The following SSUH2 variants were observed in gnomAD, a reference collection of about 807,000 sequenced individuals.
SSUH2 encodes the protein protein SSUH2 homolog.
In SSUH2, 47 loss-of-function variants were observed where a neutral mutation model predicts 55.3. The observed-to-expected ratio is 0.85, with a 90% CI of 0.67 to 1.08. The LOEUF is 1.08. SSUH2 is among the 50% of genes least tolerant of loss of function. The pLI is 0.00. For synonymous variants in SSUH2, 212 were observed against 191.5 expected (o/e 1.11, Z -0.89); for missense variants, 535 against 490.7 (o/e 1.09, Z -0.85).
At chr3:8,662,553 T>C (rs993596614) in intron 6 of SSUH2, among the ~76,000 whole-genome samples, 1 of 152,158 alleles carries the variant, frequency 6.6e-6, no homozygotes, top group African/African-American at 2.4e-5. Context: ...GCGAGTGCTA[T>C]GTGTGTTAGC....
At chr3:8,679,288 GGGAGCCACCCCCCA>G (rs1559572250) in intron 2 of SSUH2, among the ~76,000 whole-genome samples, 2 of 107,734 alleles carry the variant, frequency 1.9e-5, no homozygotes, top group Non-Finnish European at 4.1e-5. Flanking sequence ...ATCGGAGGGG[GGGAGCCACCCCCCA>G]TGAGGCGGGG....
chr3:8,652,323 A>G (rs1189489337), intron 7 of SSUH2, among the ~76,000 whole-genome samples: 1 of 152,192 alleles, frequency 6.6e-6, no homozygotes, highest in Non-Finnish European at 1.5e-5. Context: ...GAGTAGCCTT[A>G]TAGACCAGTA....
rs1378850691 is a variant in SSUH2, at chr3:8,679,122, A to C, written c.-901+583T>G. On this transcript the variant is annotated intron_variant, in intron 2 of 18. Coordinates refer to the SSUH2 transcript ENST00000317371. ...TTTCCCCCCTGGCTCTTAGGACCCA[A>C]ATTGCGGGGGGGAGGCACCCCCGCG... 1.0e-4 allele frequency among the ~76,000 whole-genome samples: 9 copies of C among 88,450 alleles called. 1 individual carries two copies. Among genetic ancestry groups the C allele is most frequent in the East Asian group, 3.2e-4 (1 of 3,100 alleles). The allele number at this position is 88,450 out of a possible 152,430, so 58.0% of individuals were successfully genotyped here. A position where few individuals can be genotyped will look rare whatever the true frequency, so the allele number is the denominator to read the frequency against.
At chr3:8,677,693 A>G (rs1460694606) in intron 2 of SSUH2, among the ~76,000 whole-genome samples, 1 of 150,838 alleles carries the variant, frequency 6.6e-6, no homozygotes, top group Admixed American at 6.6e-5. Flanking sequence ...GGGTTTCTAA[A>G]GGATTGCCCC....
chr3:8,651,881 C>T (rs1011628895), intron 7 of SSUH2: 3 of 152,654 alleles, frequency 2.0e-5, no homozygotes, highest in African/African-American at 7.2e-5. Flanking sequence ...TACAGGAAAC[C>T]CCTAATTATC....
intron 1 of SSUH2, among the ~76,000 whole-genome samples, chr3:8,639,541 T>G (rs1037888318): frequency 6.6e-6 from 1 of 152,172 alleles, no homozygotes; most frequent in Admixed American, 6.5e-5. Context: ...TTGAGAAGAC[T>G]TTGCAAAGAG....
intron 5 of SSUH2, among the ~76,000 whole-genome samples, chr3:8,664,617 G>A (rs1703813525): frequency 6.6e-6 from 1 of 152,180 alleles, no homozygotes; most frequent in Admixed American, 6.5e-5. Flanking sequence ...AAGATCTTCA[G>A]AAGCTATGTA....
At chr3:8,633,156 T>C (rs1306485020) in intron 4 of SSUH2, among the ~76,000 whole-genome samples, 2 of 151,308 alleles carry the variant, frequency 1.3e-5, no homozygotes, top group East Asian at 1.9e-4. Flanking sequence ...TTTTTTTTTT[T>C]TTTTGAGTTG....
At chr3:8,671,411 C>G (rs1259735144) in intron 4 of SSUH2, among the ~76,000 whole-genome samples, 2 of 151,976 alleles carry the variant, frequency 1.3e-5, no homozygotes, top group Non-Finnish European at 2.9e-5. Context: ...TTACAAGGAT[C>G]ATACGAGTAA....
intron 6 of SSUH2, among the ~76,000 whole-genome samples, chr3:8,662,668 A>G (rs966734646): frequency 1.6e-4 from 25 of 152,276 alleles, no homozygotes; most frequent in Non-Finnish European, 2.6e-4. Flanking sequence ...ACTCAGGAAC[A>G]AGGAACAGAG....
At chr3:8,659,939 T>G (rs1703311605) in intron 6 of SSUH2, 1 of 382,678 alleles carries the variant, frequency 2.6e-6, no homozygotes, top group Admixed American at 3.0e-5. Flanking sequence ...GAGAATGGAG[T>G]TCATTAGGTG....
At chr3:8,626,155 T>C (rs1697477771) in intron 9 of SSUH2, 74 bp downstream of exon 9, 3 of 1,233,662 alleles carry the variant, frequency 2.4e-6, no homozygotes, top group Non-Finnish European at 3.6e-6. Context: ...CCACAGTTTC[T>C]CTGCAGAAGC....
chr3:8,637,132 G>T (rs553039295), intron 1 of SSUH2, among the ~76,000 whole-genome samples: 1 of 152,250 alleles, frequency 6.6e-6, no homozygotes, highest in Admixed American at 6.5e-5. Context: ...CTCTCGTGAC[G>T]CCAGGCAGCG....
At chr3:8,663,968 T>C (rs937617336) in intron 5 of SSUH2, 3 of 390,356 alleles carry the variant, frequency 7.7e-6, no homozygotes, top group Non-Finnish European at 1.6e-5. Context: ...TTTGGCTTGT[T>C]AACTTACACA....
chr3:8,644,309 T>C (rs1359240946), intron 1 of SSUH2, among the ~76,000 whole-genome samples: 1 of 151,976 alleles, frequency 6.6e-6, no homozygotes, highest in African/African-American at 2.4e-5. Flanking sequence ...ATCCTGAAAA[T>C]CTCACTTAGA....
At chr3:8,632,199 C>T in intron 4 of SSUH2, 90 bp from the exon 5 acceptor site, 1 of 1,110,292 alleles carries the variant, frequency 9.0e-7, no homozygotes, top group Non-Finnish European at 1.4e-6. Context: ...CCTCCCAGGG[C>T]TCAGTGGGGA....
chr3:8,665,774 T>C (rs541369152), intron 5 of SSUH2, among the ~76,000 whole-genome samples: 2 of 152,338 alleles, frequency 1.3e-5, no homozygotes, highest in East Asian at 3.9e-4. Context: ...ATAGTTCATT[T>C]TCCCTAAAAA....
chr3:8,678,432 G>A (rs1203906666), intron 2 of SSUH2, among the ~76,000 whole-genome samples: 1 of 152,084 alleles, frequency 6.6e-6, no homozygotes, highest in Non-Finnish European at 1.5e-5. Context: ...CTGCGATGCT[G>A]GAATTATTAT....
chr3:8,634,040 G>C, intron 3 of SSUH2: 2 of 1,248,036 alleles, frequency 1.6e-6, no homozygotes, highest in Non-Finnish European at 2.2e-6. Context: ...TGGAGCTTAG[G>C]AGAAAAGCTG....
Sources: gnomAD v4.1 joint callset for allele counts (sites outside exome capture counted in the v4.1 genomes callset) on GRCh38, gnomAD v4.1.1 for gene constraint, MANE v1.5 for transcripts, NCBI Gene and HGNC (gene_info 2026-07-23, HGNC 2026-07-21) for gene names.